LGR5: variants seen among roughly 807,000 people sequenced by gnomAD.
The protein encoded by LGR5 is leucine rich repeat containing G protein-coupled receptor 5, also known as leucine-rich repeat-containing G protein-coupled receptor 5.
Under a neutral mutation model 76.7 loss-of-function variants are expected in LGR5, and 54 were observed. The observed-to-expected ratio is 0.70, with a 90% CI of 0.57 to 0.88. The LOEUF (loss-of-function observed/expected upper bound fraction) is 0.88, where lower values mean the gene tolerates loss of function less well. Among genes scored for constraint, LGR5 ranks in the 40% least tolerant of loss-of-function variants. The pLI is 0.00. For synonymous variants in LGR5, 406 were observed against 421.9 expected, an observed-to-expected ratio of 0.96 and a Z score of 0.46; for missense variants, 1,078 against 1,073.3, an observed-to-expected ratio of 1.00 and a Z score of -0.06.
chr12:71,571,648 T>A, intron 12 of LGR5, 69 bp downstream of exon 12: 1 of 1,144,220 alleles, frequency 8.7e-7, no homozygotes. Context: ...TCAGGGTCAC[T>A]GGTTCATTTA....
intron 1 of LGR5, among the ~76,000 whole-genome samples, chr12:71,480,445 C>A (rs550976144): frequency 6.6e-6 from 1 of 151,410 alleles, no homozygotes; most frequent in Non-Finnish European, 1.5e-5. Context: ...AGTTGGTGAA[C>A]GCTTCCTCTG....
At chr12:71,570,423 A>G (rs1878553663) in intron 11 of LGR5, among the ~76,000 whole-genome samples, 1 of 152,216 alleles carries the variant, frequency 6.6e-6, no homozygotes, top group Non-Finnish European at 1.5e-5. Context: ...TCCCTCTATT[A>G]AGAGGTAGAC....
chr12:71,517,387 G>A (rs1404196326), intron 2 of LGR5, among the ~76,000 whole-genome samples: 1 of 152,230 alleles, frequency 6.6e-6, no homozygotes, highest in East Asian at 1.9e-4. Context: ...AGACTCAGGG[G>A]ACTGAAAGTC....
intron 15 of LGR5, 73 bp from the exon 16 acceptor site, chr12:71,580,205 G>T: frequency 7.2e-7 from 1 of 1,380,074 alleles, no homozygotes; most frequent in South Asian, 1.4e-5. Flanking sequence ...ATAATTGGGT[G>T]AAAGAACATG....
chr12:71,447,599 C>T (rs566947029), intron 1 of LGR5, among the ~76,000 whole-genome samples: 12 of 152,282 alleles, frequency 7.9e-5, no homozygotes, highest in African/African-American at 2.9e-4. Context: ...ATCCTTCTTG[C>T]CTTCAGAAGG....
At chr12:71,456,208 G>A (rs1175228253) in intron 1 of LGR5, among the ~76,000 whole-genome samples, 1 of 152,096 alleles carries the variant, frequency 6.6e-6, no homozygotes, top group Admixed American at 6.6e-5. Flanking sequence ...ACATAAAGAC[G>A]GGGGAGAAAA....
chr12:71,583,163 C>T (rs536653781), intron 17 of LGR5, among the ~76,000 whole-genome samples: 38 of 152,182 alleles, frequency 2.5e-4, no homozygotes, highest in African/African-American at 8.7e-4. Context: ...TTATTTTTAA[C>T]GAATAGATTG....
At chr12:71,557,516 A>G (rs974270407) in intron 6 of LGR5, among the ~76,000 whole-genome samples, 1 of 152,198 alleles carries the variant, frequency 6.6e-6, no homozygotes, top group Non-Finnish European at 1.5e-5. Context: ...TCTGAAATCC[A>G]TGTTTACTAC....
intron 1 of LGR5, among the ~76,000 whole-genome samples, chr12:71,494,036 C>T (rs55701512): frequency 7.4e-5 from 11 of 149,512 alleles, no homozygotes; most frequent in South Asian, 6.3e-4. Flanking sequence ...CTCTGCCTCC[C>T]GGGTTCACGC....
intron 1 of LGR5, among the ~76,000 whole-genome samples, chr12:71,469,081 G>A (rs1872980290): frequency 6.6e-6 from 1 of 152,134 alleles, no homozygotes; most frequent in African/African-American, 2.4e-5. Flanking sequence ...TAGTTTTAAT[G>A]TGGAGATTAT....
intron 16 of LGR5, among the ~76,000 whole-genome samples, chr12:71,581,084 A>T (rs932575934): frequency 6.6e-6 from 1 of 152,192 alleles, no homozygotes; most frequent in African/African-American, 2.4e-5. Context: ...TGTCTTTTTC[A>T]TACGTACTTC....
At chr12:71,566,081 A>G (rs1023297596) in intron 8 of LGR5, among the ~76,000 whole-genome samples, 5 of 152,110 alleles carry the variant, frequency 3.3e-5, no homozygotes, top group Admixed American at 6.6e-5. Context: ...TTGCCACTCA[A>G]TGGATATTCT....
intron 4 of LGR5, among the ~76,000 whole-genome samples, chr12:71,544,605 A>G (rs1261201993): frequency 6.6e-6 from 1 of 151,058 alleles, no homozygotes; most frequent in Non-Finnish European, 1.5e-5. Context: ...ATATAAATCA[A>G]TATGGATTCA....
chr12:71,525,959 T>C (rs1042143675), intron 3 of LGR5, among the ~76,000 whole-genome samples: 8 of 151,944 alleles, frequency 5.3e-5, no homozygotes, highest in African/African-American at 1.7e-4. Context: ...CTAATTGTAT[T>C]CACTAGTGCA....
chr12:71,510,443 C>T (rs1010851273), intron 2 of LGR5, among the ~76,000 whole-genome samples: 1 of 152,186 alleles, frequency 6.6e-6, no homozygotes, highest in Non-Finnish European at 1.5e-5. Context: ...TTCTCCTTAG[C>T]ATTCCATTCT....
chr12:71,440,423 T>C lies in LGR5; in HGVS notation c.212+131T>C. ...GGGGGCGAGTTTGTCAAGGGCATCCTGGCCAGGCCTGTTAGGGCCCCCAGA... is the reference window on the plus strand; with the variant it reads ...GGGGGCGAGTTTGTCAAGGGCATCCCGGCCAGGCCTGTTAGGGCCCCCAGA... On this transcript the variant is annotated intron_variant, in intron 1 of 17. Coordinates refer to ENST00000266674, the MANE Select transcript of LGR5 (RefSeq NM_003667.4). This position sits in a 1 kb window ranked among gnomAD's most constrained non-coding sequence, Gnocchi z 5.3. 1.2e-6 allele frequency: 1 copy of C among 819,956 alleles called. No individual in the cohort carries two copies. Among genetic ancestry groups the C allele is most frequent in the Non-Finnish European group, 2.0e-6 (1 of 503,046 alleles). 50.8% of individuals were successfully genotyped at this position (819,956 alleles called of 1,614,324 possible).
At chr12:71,569,744 G>C (rs1162769854) in intron 11 of LGR5, among the ~76,000 whole-genome samples, 1 of 152,224 alleles carries the variant, frequency 6.6e-6, no homozygotes, top group African/African-American at 2.4e-5. Flanking sequence ...GTGGAAGACA[G>C]TATGGCAATT....
At chr12:71,545,615 C>T (rs1420888893) in intron 4 of LGR5, among the ~76,000 whole-genome samples, 1 of 151,768 alleles carries the variant, frequency 6.6e-6, no homozygotes, top group African/African-American at 2.4e-5. Context: ...CCAAGTCATC[C>T]ATGTTAATAA....
intron 1 of LGR5, among the ~76,000 whole-genome samples, chr12:71,480,885 C>A (rs1873568139): frequency 6.6e-6 from 1 of 152,116 alleles, no homozygotes; most frequent in Non-Finnish European, 1.5e-5. Context: ...TAAAAGTGAT[C>A]AAGGTCTAAC....
Sources: gnomAD v4.1 joint callset for allele counts (sites outside exome capture counted in the v4.1 genomes callset) on GRCh38, gnomAD v4.1.1 for gene constraint, Gnocchi (gnomAD v3.1) non-coding constraint, MANE v1.5 for transcripts, NCBI Gene and HGNC (gene_info 2026-07-23, HGNC 2026-07-21) for gene names.